Variants in TAOK2 observed in about 807,000 individuals in gnomAD.
The protein encoded by TAOK2 is serine/threonine-protein kinase TAO2.
TAOK2 carries 42 observed loss-of-function variants against 122.5 expected under a neutral mutation model. The ratio of observed to expected loss-of-function variants is 0.34; its 90% CI spans 0.27 to 0.44. The LOEUF (loss-of-function observed/expected upper bound fraction) is 0.44. TAOK2 is among the 20% of genes least tolerant of loss of function. The pLI, the probability that TAOK2 is intolerant of heterozygous loss-of-function variation, is 1.00. For missense variants in TAOK2, 1,264 were observed against 1,644.9 expected (o/e 0.77, Z 4.01); for synonymous variants, 704 against 677.6 (o/e 1.04, Z -0.61).
chr16:29,986,471 G>T lies in TAOK2; in HGVS notation c.2199G>T (p.Ala733=), dbSNP rs138592715. The change falls in exon 16 of 16, where the codon GCG becomes GCT. Residue 733 remains alanine (A), a synonymous_variant. Coordinates refer to ENST00000308893, the MANE Select transcript of TAOK2 (RefSeq NM_016151.4). The surrounding 1 kb of genome is among the most constrained non-coding windows in gnomAD (Gnocchi z 4.2). ...RREQELRQKH[A]AQVRQQPKSL... ...AGCAAGAGTTGCGGCAGAAGCATGC[G>T]GCCCAGGTTCGCCAGCAGCCCAAGA... is the stretch of plus-strand genomic sequence containing the variant. 1.2e-6 allele frequency: 2 copies of T among 1,603,714 alleles called. No homozygotes were observed. Among genetic ancestry groups the T allele is most frequent in the Non-Finnish European group, 1.7e-6 (2 of 1,174,944 alleles).
In TAOK2 at chr16:29,988,181, G is replaced by A. The variant is rs1169870883; in HGVS notation, c.*201G>A. The A allele has an allele frequency of 1.4e-6, 2 of 1,432,162 alleles. No individual in the cohort carries two copies. The highest frequency in any genetic ancestry group is 5.0e-5 in the East Asian group (2 of 39,758). The allele number at this position is 1,432,162 out of a possible 1,614,324, so 88.7% of individuals were successfully genotyped here. ...CCAGCAGTCACTCTGTGTTCTCCTG[G>A]CGCTCCTCCCCTAAGTTATTGCTGT... On this transcript the variant is annotated 3_prime_UTR_variant, in exon 16 of 16. Transcript: ENST00000308893.
At position 29,987,512 on chromosome 16, in the gene TAOK2, C is replaced by G. The variant is rs138441987; in HGVS notation, c.3240C>G (p.Gly1080=). 7 of 1,607,002 alleles carry G rather than the reference C, an allele frequency of 4.4e-6. No homozygotes were observed. In the African/African-American group the frequency reaches 8.0e-5, roughly 18 times the overall value. The part of the protein sequence containing the change: ...VRQQGPRVRR[G]ISRLWLRVLL... The stretch of plus-strand genomic sequence containing the variant: ...AGCAGGGCCCCCGGGTGCGCCGGGG[C>G]ATATCTCGACTCTGGTTGCGGGTTC... Residue 1080 remains glycine, a synonymous_variant, in exon 16 of 16, where the codon GGC becomes GGG. Coordinates refer to ENST00000308893, the MANE Select transcript of TAOK2 (RefSeq NM_016151.4).
chr16:29,982,928 C>T (rs1439649659), intron 11 of TAOK2, 27 bp downstream of exon 11: 1 of 1,612,088 alleles, frequency 6.2e-7, no homozygotes, highest in Admixed American at 1.7e-5. Context: ...TAACACCCCT[C>T]TTTATACCCC....
rs2069772069 is a variant in TAOK2 at position 29,985,861 on chromosome 16, G to A, written c.1992G>A (p.Glu664=). 6.2e-7 allele frequency: 1 copy of A among 1,611,256 alleles called. No individual in the cohort carries two copies. The highest frequency in any genetic ancestry group is 8.5e-7 in the Non-Finnish European group (1 of 1,179,530). Residue 664 remains glutamate, a splice_region_variant and synonymous_variant, in exon 15 of 16, where the codon GAG becomes GAA. Transcript: ENST00000308893. The surrounding 1 kb of genome is among the most constrained non-coding windows in gnomAD (Gnocchi z 6.9). ...GCCTGGACCAGGACCTGCTGCGGGA[G>A]GTAGGCATCCCAATCTCTGTTCCCC... ...RHSLDQDLLR[E]DLNKKQTQKD... is the part of the protein sequence containing the mutation.
intron 8 of TAOK2, among the ~76,000 whole-genome samples, chr16:29,980,137 T>G (rs1234059663): frequency 6.6e-6 from 1 of 152,224 alleles, no homozygotes; most frequent in Admixed American, 6.5e-5. Context: ...TATTGAAGGA[T>G]AAGGCCAGAG....
downstream of TAOK2, chr16:29,991,576 C>T (rs1175625159): frequency 5.5e-6 from 8 of 1,459,314 alleles, no homozygotes; most frequent in African/African-American, 1.4e-5. This position sits in a 1 kb window ranked among gnomAD's most constrained non-coding sequence, Gnocchi z 5.6. Flanking sequence ...TGAGGTGCAG[C>T]GGGGAGGAGC....
At chr16:29,977,010 A>G (rs1248307900) in intron 1 of TAOK2, among the ~76,000 whole-genome samples, 1 of 152,210 alleles carries the variant, frequency 6.6e-6, no homozygotes, top group Admixed American at 6.5e-5. Flanking sequence ...AATAGAGATA[A>G]TGCACGTAAG....
chr16:29,986,043 C>T lies in TAOK2; in HGVS notation c.1992+182C>T, dbSNP rs1277759160. Among the ~76,000 whole-genome samples the T allele has an allele frequency of 1.3e-5, 2 of 152,174 alleles. No homozygotes were observed. ...ACCCTGCCAGAATTTCCTTAGGCCT[C>T]TTTTCCCAGGCCAGGGAGGAGCTTG... On this transcript the variant is annotated intron_variant, in intron 15 of 15. Transcript: ENST00000308893. The surrounding 1 kb of genome is among the most constrained non-coding windows in gnomAD (Gnocchi z 4.2).
At chr16:29,975,966 G>A (rs1488264968) in intron 1 of TAOK2, among the ~76,000 whole-genome samples, 1 of 152,204 alleles carries the variant, frequency 6.6e-6, no homozygotes, top group Non-Finnish European at 1.5e-5. Context: ...CATAGCTTAG[G>A]AACAGATAGA....
Position 29,974,164 on chromosome 16 carries a change from TC to T in TAOK2, c.-517del, listed in dbSNP as rs904835964. 1.3e-5 allele frequency: 2 copies of T among 152,148 alleles called. No individual in the cohort carries two copies. The highest frequency in any genetic ancestry group is 2.4e-5 in the African/African-American group (1 of 41,406). 9.4% of individuals were successfully genotyped at this position (152,148 alleles called of 1,614,324 possible). A position where few individuals can be genotyped will look rare whatever the true frequency, so the allele number is the denominator to read the frequency against. On this transcript the variant is annotated 5_prime_UTR_variant, in exon 1 of 16. Coordinates refer to ENST00000308893, the MANE Select transcript of TAOK2 (RefSeq NM_016151.4). ...AAGACCTACAGCTCAGGCCCCTGGG[TC>T]CCAAATTTCCAGGCTTTGCCCCTCC...
At position 29,982,967 on chromosome 16, in the gene TAOK2, G is replaced by T. The variant is rs561490313; in HGVS notation, c.999+66G>T. ...TGTGCCTGCCCCCTGCAGTTGCTTG[G>T]CCCCTTCCCCAGCCCTACTCACACC... On this transcript the variant is annotated intron_variant, in intron 11 of 15. Coordinates refer to ENST00000308893, the MANE Select transcript of TAOK2 (RefSeq NM_016151.4). The T allele has an allele frequency of 1.2e-3, 1,891 of 1,603,896 alleles. 29 individuals are homozygous for T. The highest frequency in any genetic ancestry group is 1.3e-4 in the East Asian group (6 of 44,784).
At chr16:29,980,021 C>T (rs992393832) in intron 8 of TAOK2, among the ~76,000 whole-genome samples, 1 of 152,190 alleles carries the variant, frequency 6.6e-6, no homozygotes, top group African/African-American at 2.4e-5. Flanking sequence ...TAGGGAAGAG[C>T]TTTCCAGGCA....
chr16:29,989,164 C>T (rs771989059), downstream of TAOK2: 18 of 985,312 alleles, frequency 1.8e-5, no homozygotes, highest in Non-Finnish European at 2.2e-5. Flanking sequence ...CGTGCACGTT[C>T]TCATATTTGC....
At position 29,981,903 on chromosome 16, in the gene TAOK2, T is replaced by C. The variant is rs2069629901; in HGVS notation, c.794T>C (p.Ile265Thr). 6.3e-7 allele frequency: 1 copy of C among 1,595,354 alleles called. No individual in the cohort carries two copies. The highest frequency in any genetic ancestry group is 8.6e-7 in the Non-Finnish European group (1 of 1,169,464). The change falls in exon 10 of 16, where the codon ATC becomes ACC. Residue 265 changes from isoleucine (I) to threonine (T), a missense_variant. Transcript: ENST00000308893. The stretch of plus-strand genomic sequence containing the variant: ...TTTGTCGACTCCTGTCTTCAGAAAA[T>C]CCCTCAAGACAGACCAACCTCAGAG... ...RNFVDSCLQK[I>T]PQDRPTSEVL...
chr16:29,982,619 A>G, intron 10 of TAOK2, 115 bp from the exon 11 acceptor site: 1 of 1,397,132 alleles, frequency 7.2e-7, no homozygotes, highest in Non-Finnish European at 9.7e-7. Context: ...GCCAGCATCA[A>G]CCCGTGGTGG....
chr16:29,991,502 GC>G, downstream of TAOK2: 4 of 1,477,534 alleles, frequency 2.7e-6, no homozygotes, highest in Non-Finnish European at 1.8e-6. The surrounding 1 kb of genome is among the most constrained non-coding windows in gnomAD (Gnocchi z 5.6). Context: ...CGGTGCCCGG[GC>G]CCCTGAGCCG....
rs1199413736 is a variant in TAOK2, at chr16:29,986,765, T to C, written c.2493T>C (p.His831=). Residue 831 remains histidine, a synonymous_variant, in exon 16 of 16, where the codon CAT becomes CAC. Coordinates refer to ENST00000308893, the MANE Select transcript of TAOK2 (RefSeq NM_016151.4). The surrounding 1 kb of genome is among the most constrained non-coding windows in gnomAD (Gnocchi z 4.2). The part of the protein sequence containing the change: ...SGAPSPSPQK[H]GSLVDEEVWG... ...CCCCTAGTCCCAGTCCACAAAAACA[T>C]GGGAGCCTGGTTGATGAGGAAGTTT... The C allele has an allele frequency of 1.2e-6, 2 of 1,613,780 alleles. No homozygotes were observed. The highest frequency in any genetic ancestry group is 1.7e-6 in the Non-Finnish European group (2 of 1,179,920).
chr16:29,987,183 C>A lies in TAOK2; in HGVS notation c.2911C>A (p.Leu971Met). ...SSSGLLPLLL[L>M]LLLPLLAAQG... ...CTCTGGCCTCCTGCCCCTCCTGCTG[C>A]TGCTGCTGCTTCCATTGCTGGCAGC... Residue 971 changes from leucine (L) to methionine (M), a missense_variant, in exon 16 of 16, where the codon CTG (leucine) becomes ATG (methionine). Around this residue, in one of 4 missense-constraint regions of TAOK2, gnomAD observed 824 missense variants for 908.7 expected, o/e 0.91. Transcript: ENST00000308893. 1.3e-6 allele frequency: 2 copies of A among 1,556,352 alleles called. No homozygotes were observed. The highest frequency in any genetic ancestry group is 8.6e-7 in the Non-Finnish European group (1 of 1,156,358).
At chr16:29,989,155 G>A (rs1214123918), downstream of TAOK2, 83 of 984,788 alleles carry the variant, frequency 8.4e-5, no homozygotes, top group Non-Finnish European at 9.8e-5. Flanking sequence ...GCTTGTTCTC[G>A]TGCACGTTCT....
Sources: gnomAD v4.1 joint callset for allele counts (sites outside exome capture counted in the v4.1 genomes callset) on GRCh38, gnomAD v4.1.1 for gene constraint, gnomAD v4.1.1 regional missense constraint, Gnocchi (gnomAD v3.1) non-coding constraint, MANE v1.5 for transcripts, NCBI Gene and HGNC (gene_info 2026-07-23, HGNC 2026-07-21) for gene names.